Variants in PARD3 observed in about 807,000 individuals in gnomAD.
PARD3 encodes the protein partitioning defective 3 homolog.
In PARD3, 75 loss-of-function variants were observed where a neutral mutation model predicts 155.4. The ratio of observed to expected loss-of-function variants is 0.48; its 90% CI spans 0.40 to 0.58. The LOEUF (loss-of-function observed/expected upper bound fraction) is 0.58. Ranked by LOEUF, PARD3 falls within the 20% of genes least tolerant of loss-of-function variation. The pLI, the probability that PARD3 is intolerant of heterozygous loss-of-function variation, is 0.00. For synonymous variants in PARD3, 576 were observed against 610.5 expected (o/e 0.94, Z 0.83); for missense variants, 1,642 against 1,721.7 (o/e 0.95, Z 0.82).
chr10:34,295,215 T>C (rs548444509), intron 20 of PARD3, among the ~76,000 whole-genome samples: 13 of 152,138 alleles, frequency 8.5e-5, no homozygotes, highest in Non-Finnish European at 1.8e-4. Flanking sequence ...CCATCTGAAA[T>C]CCTGGGGTGG....
intron 5 of PARD3, among the ~76,000 whole-genome samples, chr10:34,441,226 T>C (rs557177919): frequency 3.3e-5 from 5 of 151,862 alleles, no homozygotes; most frequent in South Asian, 4.2e-4. Flanking sequence ...CTTGAGGGAG[T>C]TGTTGAGGTA....
chr10:34,242,832 G>A (rs1464046407), intron 22 of PARD3, among the ~76,000 whole-genome samples: 3 of 152,150 alleles, frequency 2.0e-5, no homozygotes, highest in Admixed American at 6.5e-5. Flanking sequence ...CTACTCGGGA[G>A]GCTGAGGAAG....
At chr10:34,295,835 A>C (rs2133991786) in intron 20 of PARD3, among the ~76,000 whole-genome samples, 1 of 152,314 alleles carries the variant, frequency 6.6e-6, no homozygotes, top group Non-Finnish European at 1.5e-5. Flanking sequence ...TAATTAAGTT[A>C]AGGGTAGAAA....
chr10:34,474,864 T>A (rs1028505468), intron 3 of PARD3, among the ~76,000 whole-genome samples: 9 of 152,236 alleles, frequency 5.9e-5, no homozygotes, highest in Non-Finnish European at 1.3e-4. Context: ...CTGATTTTAA[T>A]TCATAGAACG....
At chr10:34,585,641 G>T (rs2087955440) in intron 2 of PARD3, among the ~76,000 whole-genome samples, 1 of 151,446 alleles carries the variant, frequency 6.6e-6, no homozygotes, top group Non-Finnish European at 1.5e-5. Context: ...CATTTCAGAG[G>T]TTACTTAGCA....
chr10:34,459,697 T>A (rs974675119), intron 4 of PARD3, among the ~76,000 whole-genome samples: 3 of 152,162 alleles, frequency 2.0e-5, no homozygotes, highest in Non-Finnish European at 4.4e-5. Context: ...ATTTTATATT[T>A]ATCTAAATAT....
At chr10:34,505,911 A>G (rs900887438) in intron 3 of PARD3, among the ~76,000 whole-genome samples, 1 of 152,180 alleles carries the variant, frequency 6.6e-6, no homozygotes, top group Non-Finnish European at 1.5e-5. Flanking sequence ...GGCAGGCTTG[A>G]GGTCAGGAGT....
At chr10:34,277,382 C>T (rs1955938438) in intron 21 of PARD3, among the ~76,000 whole-genome samples, 2 of 152,114 alleles carry the variant, frequency 1.3e-5, no homozygotes, top group African/African-American at 2.4e-5. Flanking sequence ...CTAACAACTG[C>T]CCCCTAACAG....
At chr10:34,187,501 A>G (rs978097177) in intron 22 of PARD3, among the ~76,000 whole-genome samples, 3 of 152,232 alleles carry the variant, frequency 2.0e-5, no homozygotes, top group Non-Finnish European at 4.4e-5. Flanking sequence ...GGGAAAAATC[A>G]AACCACAATA....
intron 13 of PARD3, among the ~76,000 whole-genome samples, chr10:34,359,543 T>C (rs1839238781): frequency 6.6e-6 from 1 of 152,316 alleles, no homozygotes; most frequent in South Asian, 2.1e-4. Context: ...ATCAAGTCAT[T>C]ATCATAATCT....
intron 2 of PARD3, among the ~76,000 whole-genome samples, chr10:34,618,762 C>T (rs1460797238): frequency 6.6e-6 from 1 of 152,190 alleles, no homozygotes; most frequent in Non-Finnish European, 1.5e-5. Flanking sequence ...ACCCGTTCCA[C>T]ATTCCTGTCT....
chr10:34,163,581 T>C (rs964581423), intron 22 of PARD3, among the ~76,000 whole-genome samples: 1 of 152,110 alleles, frequency 6.6e-6, no homozygotes, highest in Non-Finnish European at 1.5e-5. Flanking sequence ...TAGCAAACTT[T>C]TTCTATAAAG....
intron 2 of PARD3, among the ~76,000 whole-genome samples, chr10:34,585,230 A>G (rs1482029409): frequency 6.6e-6 from 1 of 152,186 alleles, no homozygotes; most frequent in Non-Finnish European, 1.5e-5. Context: ...GATTTCAAAA[A>G]ATCACTTACT....
chr10:34,595,389 T>C (rs1000709790), intron 2 of PARD3, among the ~76,000 whole-genome samples: 12 of 152,196 alleles, frequency 7.9e-5, no homozygotes, highest in African/African-American at 2.7e-4. Context: ...TTTGAAAATG[T>C]AAAAATAAAA....
chr10:34,190,592 C>T (rs1258504428), intron 22 of PARD3, among the ~76,000 whole-genome samples: 1 of 152,178 alleles, frequency 6.6e-6, no homozygotes, highest in African/African-American at 2.4e-5. Context: ...TTGAGAAACA[C>T]TGCCGTAGTC....
intron 14 of PARD3, among the ~76,000 whole-genome samples, chr10:34,353,665 T>G (rs957550203): frequency 2.0e-5 from 3 of 151,824 alleles, no homozygotes; most frequent in Admixed American, 6.6e-5. Flanking sequence ...TATTGTCCTA[T>G]GACCCTGCCA....
chr10:34,364,219 C>T (rs936831685), intron 12 of PARD3, among the ~76,000 whole-genome samples: 7 of 152,030 alleles, frequency 4.6e-5, no homozygotes, highest in South Asian at 2.1e-4. Flanking sequence ...CCGCAACAAA[C>T]GAAAATTTGG....
intron 2 of PARD3, among the ~76,000 whole-genome samples, chr10:34,603,660 A>G (rs1280986043): frequency 1.3e-5 from 2 of 152,216 alleles, no homozygotes; most frequent in Non-Finnish European, 2.9e-5. Context: ...GGCAAGTAAT[A>G]GTACGTGAGG....
chr10:34,480,667 G>A (rs1324351347), intron 3 of PARD3, among the ~76,000 whole-genome samples: 2 of 151,932 alleles, frequency 1.3e-5, no homozygotes, highest in African/African-American at 4.8e-5. Context: ...TTTAAAGTTG[G>A]CTAAGATATA....
Sources: gnomAD v4.1 joint callset for allele counts (sites outside exome capture counted in the v4.1 genomes callset) on GRCh38, gnomAD v4.1.1 for gene constraint, MANE v1.5 for transcripts, NCBI Gene and HGNC (gene_info 2026-07-23, HGNC 2026-07-21) for gene names.